The following ADGRV1 variants were observed in gnomAD, a reference collection of about 807,000 sequenced individuals.
ADGRV1 encodes the protein G-protein coupled receptor 98.
ADGRV1 carries 359 observed loss-of-function variants against 596.2 expected under a neutral mutation model. That is an observed-to-expected ratio of 0.60 (90% CI 0.55 to 0.66). The LOEUF is 0.66. Among genes scored for constraint, ADGRV1 ranks in the 30% least tolerant of loss-of-function variants. ADGRV1 has a pLI of 0.00. For synonymous variants in ADGRV1, 2,681 were observed against 2,679.2 expected, an observed-to-expected ratio of 1.00 and a Z score of -0.02; for missense variants, 7,274 against 7,575.6, an observed-to-expected ratio of 0.96 and a Z score of 1.48.
intron 85 of ADGRV1, among the ~76,000 whole-genome samples, chr5:91,014,136 C>CCACACACACACACACACACACACACA (rs70973720): frequency 5.9e-4 from 21 of 35,696 alleles, no homozygotes; most frequent in Middle Eastern, 0.019. Context: ...TTCACAATTG[C>CCACACACACACACACACACACACACA]CACACACACA....
intron 85 of ADGRV1, among the ~76,000 whole-genome samples, chr5:91,035,485 T>C (rs1784788641): frequency 6.6e-6 from 1 of 152,186 alleles, no homozygotes; most frequent in Non-Finnish European, 1.5e-5. Context: ...CTGAAATGCT[T>C]TGATATTACT....
intron 83 of ADGRV1, among the ~76,000 whole-genome samples, chr5:90,928,934 T>C (rs555010764): frequency 6.8e-6 from 1 of 146,080 alleles, no homozygotes; most frequent in African/African-American, 2.5e-5. Flanking sequence ...GCCTCCCAGT[T>C]AGGCTGCTCG....
Position 90,685,848 on chromosome 5 carries a change from G to A in ADGRV1, c.6343G>A (p.Asp2115Asn), listed in dbSNP as rs1745554943. Residue 2115 changes from aspartate to asparagine, a missense_variant, in exon 29 of 90, where the codon GAT (aspartate) becomes AAT (asparagine). Physicochemically the swap from Asp to Asn is conservative, Grantham distance 23. Transcript: ENST00000405460. ...GCAACTAATTATCATTGCCAATGAT[G>A]ATGCATTTGGAACTCTTCAGCTCTC... is the stretch of plus-strand genomic sequence containing the variant. ...IAQLIIIANDDAFGTLQLSAP... is the reference protein window; with the variant it reads ...IAQLIIIANDNAFGTLQLSAP... 5.0e-6 allele frequency: 8 copies of A among 1,612,324 alleles called. No homozygotes were observed. The highest frequency in any genetic ancestry group is 6.8e-6 in the Non-Finnish European group (8 of 1,178,828).
chr5:91,150,178 A>T lies in ADGRV1; in HGVS notation c.18581A>T (p.Glu6194Val). 1 of 1,593,126 alleles carries T rather than the reference A, an allele frequency of 6.3e-7. No homozygotes were observed. The highest frequency in any genetic ancestry group is 8.5e-7 in the Non-Finnish European group (1 of 1,170,898). Residue 6194 changes from glutamate (E) to valine (V), a missense_variant, in exon 88 of 90, where the codon GAA (glutamate) becomes GTA (valine). Glu to Val is a moderately radical substitution (Grantham distance 121, BLOSUM62 -2). Coordinates refer to ENST00000405460, the MANE Select transcript of ADGRV1 (RefSeq NM_032119.4). ...AGTGGAATGCCTCCTGCTGGAGGGG[A>T]AATCAGCAAGTCCACCCAGAATCTC... ...PGSGMPPAGG[E>V]ISKSTQNLIG...
chr5:90,726,614 C>T (rs1580892323), intron 48 of ADGRV1, among the ~76,000 whole-genome samples: 2 of 151,724 alleles, frequency 1.3e-5, no homozygotes, highest in South Asian at 2.1e-4. Flanking sequence ...CTTTCTAACA[C>T]ACTACACAAA....
chr5:90,584,182 TGTA>T (rs1758440770), intron 1 of ADGRV1, among the ~76,000 whole-genome samples: 1 of 152,198 alleles, frequency 6.6e-6, no homozygotes, highest in Admixed American at 6.5e-5. Flanking sequence ...TAAAACAGCA[TGTA>T]GTGCTTGGTA....
rs80105713 is a variant in ADGRV1 at position 90,644,288 on chromosome 5, C to T, written c.2734+305C>T. ...ACCTTAAAACTAAGAACTACTGCTA[C>T]GGAACTGTTGAGGTGACTGGAAATG... On this transcript the variant is annotated intron_variant, in intron 14 of 89. Transcript: ENST00000405460. Among the ~76,000 whole-genome samples, 6,602 of 152,202 alleles carry T rather than the reference C, an allele frequency of 0.043. 456 individuals carry two copies. The highest frequency in any genetic ancestry group is 0.15 in the African/African-American group (6,283 of 41,504).
intron 89 of ADGRV1, among the ~76,000 whole-genome samples, chr5:91,158,265 A>G (rs769042908): frequency 1.3e-5 from 2 of 152,232 alleles, no homozygotes; most frequent in Non-Finnish European, 2.9e-5. Context: ...ATTTAAGGCA[A>G]AAATGGGCCT....
intron 83 of ADGRV1, among the ~76,000 whole-genome samples, chr5:90,902,191 T>A (rs1344231796): frequency 1.3e-5 from 2 of 152,180 alleles, no homozygotes; most frequent in African/African-American, 4.8e-5. Flanking sequence ...AGACACCAAT[T>A]ATCCACGTTA....
chr5:90,765,429 CCACACACA>C (rs531033246), intron 59 of ADGRV1, among the ~76,000 whole-genome samples: 3,402 of 136,332 alleles, frequency 0.025, 111 homozygotes, highest in East Asian at 0.12. Context: ...AAATCACAGA[CCACACACA>C]CACACACACA....
intron 52 of ADGRV1, among the ~76,000 whole-genome samples, chr5:90,748,995 C>G (rs557954725): frequency 6.6e-6 from 1 of 152,212 alleles, no homozygotes; most frequent in East Asian, 1.9e-4. Context: ...TTATACAACT[C>G]TATAGGGCAG....
chr5:91,153,490 A>C (rs1796228047), intron 89 of ADGRV1, 92 bp downstream of exon 89: 3 of 863,192 alleles, frequency 3.5e-6, no homozygotes, highest in Non-Finnish European at 5.2e-6. Context: ...AAGTACTATC[A>C]GTCACCCTTA....
chr5:90,828,963 A>T lies in ADGRV1; in HGVS notation c.16388A>T (p.Tyr5463Phe). ...KPEKVPQVEV[Y>F]FFVELYEATA... is the part of the protein sequence containing the mutation. The stretch of plus-strand genomic sequence containing the variant: ...TGTCAGGTACCACAGGTTGAAGTGT[A>T]TTTTTTTGTGGAACTATATGAAGCT... Residue 5463 changes from tyrosine (Y) to phenylalanine (F), a missense_variant, in exon 77 of 90, where the codon TAT becomes TTT. Around this residue, in one of 5 missense-constraint regions of ADGRV1, gnomAD observed 1,874 missense variants for 1,970.2 expected, o/e 0.95. Coordinates refer to ENST00000405460, the MANE Select transcript of ADGRV1 (RefSeq NM_032119.4). The T allele has an allele frequency of 3.2e-6, 5 of 1,577,812 alleles. No individual in the cohort carries two copies. The South Asian group carries it at 6.0e-5, about 19-fold the overall frequency.
intron 87 of ADGRV1, among the ~76,000 whole-genome samples, chr5:91,143,174 C>T (rs1470119515): frequency 6.6e-6 from 1 of 152,182 alleles, no homozygotes; most frequent in East Asian, 1.9e-4. Flanking sequence ...TGCCCAGAAG[C>T]TTGGAAATGC....
At chr5:90,796,591 G>A (rs1760744398) in intron 70 of ADGRV1, among the ~76,000 whole-genome samples, 2 of 152,232 alleles carry the variant, frequency 1.3e-5, no homozygotes, top group South Asian at 4.2e-4. Context: ...TAGCAAGACT[G>A]GCCAACATTC....
In ADGRV1 at chr5:90,651,615, G is replaced by C. The variant is rs1172236135; in HGVS notation, c.3301G>C (p.Val1101Leu). ...CACTTTTAATTTAGGTGATACAGTAGTATATCAATATGGAGTAGCTACAGT... is the reference window on the plus strand; with the variant it reads ...CACTTTTAATTTAGGTGATACAGTACTATATCAATATGGAGTAGCTACAGT... The part of the protein sequence containing the change: ...ILLNSTGDTV[V>L]YQYGVATVII... The change falls in exon 18 of 90, where the codon GTA (valine) becomes CTA (leucine). Residue 1101 changes from valine to leucine, a missense_variant. Physicochemically the swap from Val to Leu is conservative, Grantham distance 32. Coordinates refer to ENST00000405460, the MANE Select transcript of ADGRV1 (RefSeq NM_032119.4). 4.4e-6 allele frequency: 7 copies of C among 1,576,760 alleles called. No individual in the cohort carries two copies. The highest frequency in any genetic ancestry group is 6.1e-6 in the Non-Finnish European group (7 of 1,148,604).
rs188972077 is a variant in ADGRV1 at position 91,052,930 on chromosome 5, A to G, written c.18153-19517A>G. ...TATTCTTCAGTTTGCTGATCTACTC[A>G]ATATTAATGCTTTCTTCAGCTGTTA... On this transcript the variant is annotated intron_variant, in intron 85 of 89. Transcript: ENST00000405460. 2.0e-4 allele frequency among the ~76,000 whole-genome samples: 31 copies of G among 152,288 alleles called. No individual in the cohort carries two copies. The East Asian group carries it at 5.2e-3, about 26-fold the overall frequency.
intron 75 of ADGRV1, among the ~76,000 whole-genome samples, chr5:90,816,367 T>C (rs1237366481): frequency 6.6e-6 from 1 of 150,588 alleles, no homozygotes; most frequent in Non-Finnish European, 1.5e-5. Flanking sequence ...TTTAATTTTC[T>C]GTTTTTTTTT....
intron 87 of ADGRV1, among the ~76,000 whole-genome samples, chr5:91,116,583 G>A (rs896993202): frequency 1.6e-4 from 25 of 152,134 alleles, no homozygotes; most frequent in African/African-American, 4.6e-4. Context: ...CTGATTATTC[G>A]GTCTCTTCAG....
Sources: gnomAD v4.1 joint callset for allele counts (sites outside exome capture counted in the v4.1 genomes callset) on GRCh38, gnomAD v4.1.1 for gene constraint, gnomAD v4.1.1 regional missense constraint, MANE v1.5 for transcripts, NCBI Gene and HGNC (gene_info 2026-07-23, HGNC 2026-07-21) for gene names.